Variants in PCDH15 observed in about 807,000 individuals in gnomAD.
The protein encoded by PCDH15 is protocadherin related 15, also known as protocadherin-15.
In PCDH15, 129 loss-of-function variants were observed where a neutral mutation model predicts 178.5. That is an observed-to-expected ratio of 0.72 (90% CI 0.63 to 0.84). The LOEUF (loss-of-function observed/expected upper bound fraction) is 0.84, where lower values mean the gene tolerates loss of function less well. Among genes scored for constraint, PCDH15 ranks in the 40% least tolerant of loss-of-function variants. The pLI is 0.00. For synonymous variants in PCDH15, 800 were observed against 732.0 expected (o/e 1.09, Z -1.50); for missense variants, 2,230 against 2,099.9 (o/e 1.06, Z -1.21).
chr10:53,880,606 A>G (rs950847022), intron 26 of PCDH15, among the ~76,000 whole-genome samples: 1 of 21,458 alleles, frequency 4.7e-5, no homozygotes, highest in African/African-American at 9.6e-5. Flanking sequence ...AAAATTTTTA[A>G]AAAAACCTTT....
chr10:54,376,907 G>A (rs1275952299), intron 4 of PCDH15, among the ~76,000 whole-genome samples: 1 of 151,874 alleles, frequency 6.6e-6, no homozygotes, highest in Non-Finnish European at 1.5e-5. Context: ...TTTCACTGCA[G>A]CATTTTTGTA....
intron 3 of PCDH15, among the ~76,000 whole-genome samples, chr10:54,447,109 T>C (rs1034943974): frequency 3.3e-5 from 5 of 151,676 alleles, no homozygotes; most frequent in African/African-American, 1.2e-4. Flanking sequence ...TTTGGCCAAG[T>C]GGAATAAACT....
intron 2 of PCDH15, among the ~76,000 whole-genome samples, chr10:55,161,075 A>C (rs953363303): frequency 2.6e-5 from 4 of 152,088 alleles, no homozygotes; most frequent in Non-Finnish European, 5.9e-5. Context: ...TAGACCATAG[A>C]GCTCGTTCCC....
At chr10:55,541,066 G>T (rs1841749108) in intron 2 of PCDH15, among the ~76,000 whole-genome samples, 1 of 151,980 alleles carries the variant, frequency 6.6e-6, no homozygotes, top group Admixed American at 6.6e-5. Context: ...TGCAGAGAAT[G>T]GGTGCCTGAT....
chr10:54,697,042 T>C (rs2095238649), intron 1 of PCDH15, among the ~76,000 whole-genome samples: 1 of 152,092 alleles, frequency 6.6e-6, no homozygotes, highest in Admixed American at 6.6e-5. Flanking sequence ...CCTGTGTAGC[T>C]GGGATTACAA....
chr10:54,023,654 AAAT>A (rs1354949176), intron 18 of PCDH15, among the ~76,000 whole-genome samples: 7 of 147,510 alleles, frequency 4.7e-5, no homozygotes, highest in Non-Finnish European at 7.5e-5. Context: ...TGTTTATAAT[AAAT>A]AATATTTTAT....
intron 2 of PCDH15, among the ~76,000 whole-genome samples, chr10:54,587,567 C>A (rs538734924): frequency 2.2e-3 from 333 of 151,510 alleles, no homozygotes; most frequent in Admixed American, 3.9e-3. Context: ...AAGGAACTTA[C>A]AGAGATACTT....
chr10:54,215,404 C>T (rs1189940706), intron 9 of PCDH15, among the ~76,000 whole-genome samples: 1 of 151,998 alleles, frequency 6.6e-6, no homozygotes, highest in African/African-American at 2.4e-5. Context: ...TACAAATAGT[C>T]AAAATTATAG....
intron 2 of PCDH15, among the ~76,000 whole-genome samples, chr10:55,416,036 AAAACAAACAAACAAGCAAACAAACAAAC>A (rs1422925222): frequency 1.5e-5 from 2 of 129,366 alleles, no homozygotes; most frequent in African/African-American, 6.4e-5. Context: ...TTAAGGCAAA[AAAACAAACAAACAAGCAAACAAACAAAC>A]AAACAAACAA....
At chr10:54,197,652 T>C (rs61860684) in intron 10 of PCDH15, among the ~76,000 whole-genome samples, 10,953 of 152,174 alleles carry the variant, frequency 0.072, 433 homozygotes, top group Admixed American at 0.11. Flanking sequence ...GGAAAGAAAT[T>C]TGGTCTCCAG....
intron 1 of PCDH15, among the ~76,000 whole-genome samples, chr10:55,298,832 C>A (rs1013621584): frequency 2.6e-5 from 4 of 152,104 alleles, no homozygotes; most frequent in African/African-American, 7.2e-5. Context: ...CCCACCTTGG[C>A]CTCCCAAAGA....
chr10:54,090,191 G>T, intron 15 of PCDH15, 128 bp from the exon 16 acceptor site: 1 of 753,904 alleles, frequency 1.3e-6, no homozygotes, highest in Non-Finnish European at 2.3e-6. Context: ...AAAGATTAAA[G>T]CATGGCCTAA....
At chr10:54,129,130 C>T (rs925839940) in intron 15 of PCDH15, among the ~76,000 whole-genome samples, 1 of 152,020 alleles carries the variant, frequency 6.6e-6, no homozygotes, top group Non-Finnish European at 1.5e-5. Flanking sequence ...ATAATAAGAT[C>T]GACCTGTTTG....
At chr10:55,375,404 T>A (rs1353892811) in intron 2 of PCDH15, among the ~76,000 whole-genome samples, 2 of 152,106 alleles carry the variant, frequency 1.3e-5, no homozygotes, top group African/African-American at 4.8e-5. Context: ...GATTTCCTAG[T>A]CATTGTTTCC....
At chr10:54,429,770 A>G (rs532518775) in intron 3 of PCDH15, among the ~76,000 whole-genome samples, 13 of 152,192 alleles carry the variant, frequency 8.5e-5, no homozygotes, top group Non-Finnish European at 1.8e-4. Context: ...AAAGAAGCCA[A>G]TTCAGCAAGA....
intron 8 of PCDH15, among the ~76,000 whole-genome samples, chr10:54,252,231 A>T (rs2056540142): frequency 6.6e-6 from 1 of 152,286 alleles, no homozygotes; most frequent in East Asian, 1.9e-4. Context: ...GCAACTTGTC[A>T]TCCCTTTTTG....
rs1268274118 is a variant in PCDH15 at position 53,938,968 on chromosome 10, A to C, written c.3233-13T>G. The C allele has an allele frequency of 6.2e-7, 1 of 1,610,674 alleles. No homozygotes were observed. On this transcript the variant is annotated splice_polypyrimidine_tract_variant and intron_variant, in intron 24 of 37. Coordinates refer to ENST00000644397, the MANE Select transcript of PCDH15 (RefSeq NM_001384140.1). ...ATTCCAAATGTATCTAGAAATTAAA[A>C]TACAATTACCTGGTCATTGTCTTTA...
At chr10:54,494,344 C>A (rs924485824) in intron 3 of PCDH15, among the ~76,000 whole-genome samples, 1 of 152,092 alleles carries the variant, frequency 6.6e-6, no homozygotes, top group Non-Finnish European at 1.5e-5. Flanking sequence ...ACAGATGGAT[C>A]CCTTTTTTAT....
rs189928694 is a variant in PCDH15 at position 54,390,924 on chromosome 10, T to A, written c.158-11982A>T. Among the ~76,000 whole-genome samples the A allele has an allele frequency of 4.5e-3, 680 of 152,258 alleles. 1 individual carries two copies. The highest frequency in any genetic ancestry group is 6.1e-3 in the Non-Finnish European group (418 of 68,016). ...TTTCTTCCCCAGTGCCAATTTTCAGTGCCTTTTCTATAGGTTAAGAGGATC... is the reference window on the plus strand; with the variant it reads ...TTTCTTCCCCAGTGCCAATTTTCAGAGCCTTTTCTATAGGTTAAGAGGATC... On this transcript the variant is annotated intron_variant, in intron 3 of 37. Transcript: ENST00000644397.
Sources: gnomAD v4.1 joint callset for allele counts (sites outside exome capture counted in the v4.1 genomes callset) on GRCh38, gnomAD v4.1.1 for gene constraint, MANE v1.5 for transcripts, NCBI Gene and HGNC (gene_info 2026-07-23, HGNC 2026-07-21) for gene names.